PAK3: variants seen among roughly 807,000 people sequenced by gnomAD.
The protein encoded by PAK3 is serine/threonine-protein kinase PAK 3.
PAK3 carries 4 observed loss-of-function variants against 41.0 expected under a neutral mutation model. That is an observed-to-expected ratio of 0.10 (90% CI 0.05 to 0.22). The LOEUF is 0.22. PAK3 is among the 10% of genes least tolerant of loss of function. The probability of loss-of-function intolerance (pLI) is 1.00; values close to 1 mark genes in which losing one functional copy is unlikely to be tolerated. For missense variants in PAK3, 205 were observed against 409.9 expected, an observed-to-expected ratio of 0.50 and a Z score of 4.32; for synonymous variants, 146 against 139.6, an observed-to-expected ratio of 1.05 and a Z score of -0.32.
intron 4 of PAK3, among the ~76,000 whole-genome samples, chrX:111,118,473 T>C (rs1353750086): frequency 9.0e-6 from 1 of 110,978 alleles, no homozygotes; most frequent in Non-Finnish European, 1.9e-5. Context: ...TATATGTATA[T>C]ATATCTCAGA....
intron 1 of PAK3, among the ~76,000 whole-genome samples, chrX:111,029,245 T>C (rs1052267106): frequency 1.8e-5 from 2 of 112,143 alleles, no homozygotes; most frequent in Non-Finnish European, 3.8e-5. Context: ...TACAACATCA[T>C]ACATATTGCA....
At chrX:111,075,430 G>A (rs867112141) in intron 1 of PAK3, among the ~76,000 whole-genome samples, 14 of 112,634 alleles carry the variant, frequency 1.2e-4, no homozygotes, top group Middle Eastern at 4.2e-3. Flanking sequence ...GATACAGCTC[G>A]GACCACTGCT....
intron 1 of PAK3, among the ~76,000 whole-genome samples, chrX:111,014,722 A>G (rs927181151): frequency 1.3e-4 from 15 of 111,558 alleles, no homozygotes; most frequent in Non-Finnish European, 2.6e-4. Flanking sequence ...AATGTCCACT[A>G]CTGTTCTTGG....
At chrX:111,048,007 T>G (rs2092517272) in intron 1 of PAK3, among the ~76,000 whole-genome samples, 1 of 111,873 alleles carries the variant, frequency 8.9e-6, no homozygotes, top group African/African-American at 3.3e-5. Context: ...CTATACTCCT[T>G]GTTTCCACTT....
intron 1 of PAK3, among the ~76,000 whole-genome samples, chrX:111,043,074 G>T (rs1247849465): frequency 9.0e-6 from 1 of 111,004 alleles, no homozygotes; most frequent in African/African-American, 3.3e-5. Context: ...AGAATCACTT[G>T]AGCCCAGGAG....
At chrX:111,123,342 C>T in intron 5 of PAK3, 64 bp downstream of exon 5, 4 of 985,413 alleles carry the variant, frequency 4.1e-6, no homozygotes, top group Non-Finnish European at 5.8e-6. Context: ...CACTTTCTTT[C>T]TTAGGTAGTT....
intron 1 of PAK3, among the ~76,000 whole-genome samples, chrX:111,021,652 A>G (rs1602840786): frequency 9.0e-6 from 1 of 111,304 alleles, no homozygotes; most frequent in Admixed American, 9.6e-5. Context: ...CCAGCTCACC[A>G]GCAATGGATC....
intron 4 of PAK3, among the ~76,000 whole-genome samples, chrX:111,107,204 G>A (rs981953339): frequency 8.9e-6 from 1 of 112,033 alleles, no homozygotes; most frequent in Admixed American, 9.5e-5. Context: ...GGGCAGGCCT[G>A]CTTCCACCAG....
chrX:111,029,487 T>C (rs1433910936), intron 1 of PAK3, among the ~76,000 whole-genome samples: 1 of 112,199 alleles, frequency 8.9e-6, no homozygotes, highest in Non-Finnish European at 1.9e-5. Flanking sequence ...TTATATACTG[T>C]ATTCTCACAA....
At position 111,220,486 on chromosome X, in the gene PAK3, A is replaced by G. The variant is rs2094919874; in HGVS notation, c.*39A>G. The G allele has an allele frequency of 2.3e-6, 2 of 883,549 alleles. No individual in the cohort carries two copies. The highest frequency in any genetic ancestry group is 3.3e-6 in the Non-Finnish European group (2 of 600,048). 72.8% of individuals were successfully genotyped at this position (883,549 alleles called of 1,213,427 possible). ...ACACCTCACCATCTCCCTCATGAGT[A>G]AGACTGAAATAAAACTCTGCTGCAG... On this transcript the variant is annotated 3_prime_UTR_variant, in exon 18 of 18. Transcript: ENST00000372007.
At chrX:111,152,280 T>C (rs2094039336) in intron 7 of PAK3, 130 bp from the exon 8 acceptor site, 1 of 489,140 alleles carries the variant, frequency 2.0e-6, no homozygotes, top group Non-Finnish European at 3.6e-6. Context: ...TAATATCTAG[T>C]TAATACTAAA....
intron 1 of PAK3, among the ~76,000 whole-genome samples, chrX:111,085,886 C>A (rs998210589): frequency 9.8e-5 from 11 of 112,140 alleles, no homozygotes; most frequent in Non-Finnish European, 1.7e-4. Flanking sequence ...AGGAAACGGG[C>A]AGTGACTGTA....
rs761811397 is a variant in PAK3, at chrX:111,167,093, GTTA to G, written c.766+3371_766+3373del. ...GCACAATAAACAGTAATATAAAATT[GTTA>G]TTATGCTATTTTTACAGAGTGAGAG... is the stretch of plus-strand genomic sequence containing the variant. On this transcript the variant is annotated intron_variant, in intron 10 of 17. Transcript: ENST00000372007. Among the ~76,000 whole-genome samples, 478 of 111,724 alleles carry G rather than the reference GTTA, an allele frequency of 4.3e-3. 1 individual carries two copies. Among genetic ancestry groups the G allele is most frequent in the Non-Finnish European group, 7.0e-3 (372 of 53,116 alleles).
chrX:110,972,885 G>C (rs1209254955), intron 1 of PAK3, among the ~76,000 whole-genome samples: 1 of 111,636 alleles, frequency 9.0e-6, no homozygotes. Flanking sequence ...TGATGGAGCT[G>C]AAAATCATGG....
At chrX:111,155,384 C>T (rs1383781191) in intron 8 of PAK3, among the ~76,000 whole-genome samples, 8 of 109,161 alleles carry the variant, frequency 7.3e-5, no homozygotes, top group Non-Finnish European at 5.7e-5. Context: ...ACCTGCAGTC[C>T]CAACTACTTT....
At chrX:111,098,777 AAAAG>A (rs2093060493) in intron 3 of PAK3, 1 of 110,608 alleles carries the variant, frequency 9.0e-6, no homozygotes, top group Non-Finnish European at 1.9e-5. Context: ...TCAAAAAAAA[AAAAG>A]AAAAAAAGCC....
rs755513365 is a variant in PAK3, at chrX:111,118,791, A to G, written c.-27-4286A>G. Among the ~76,000 whole-genome samples, 399 of 112,177 alleles carry G rather than the reference A, an allele frequency of 3.6e-3. 2 individuals carry two copies. Among genetic ancestry groups the G allele is most frequent in the African/African-American group, 0.012 (378 of 30,925 alleles). On this transcript the variant is annotated intron_variant, in intron 4 of 17. Transcript: ENST00000372007. ...TGTCTAAATATGAAAATAAATAGTT[A>G]TGTCTATTTTGAAAGCAGACAGAAT...
At chrX:111,072,831 G>A (rs1182332874) in intron 1 of PAK3, among the ~76,000 whole-genome samples, 2 of 111,946 alleles carry the variant, frequency 1.8e-5, no homozygotes, top group African/African-American at 3.2e-5. Context: ...AGATGTTGCT[G>A]CAGTAAGAAG....
At chrX:111,172,701 C>A (rs184829360) in intron 10 of PAK3, among the ~76,000 whole-genome samples, 1 of 110,854 alleles carries the variant, frequency 9.0e-6, no homozygotes, top group Non-Finnish European at 1.9e-5. Context: ...ATTATGAGAA[C>A]TTTTTATAGA....
Sources: allele counts gnomAD v4.1 joint callset (sites outside exome capture counted in the v4.1 genomes callset), GRCh38; gene constraint gnomAD v4.1.1; transcripts MANE v1.5; gene names NCBI Gene and HGNC (gene_info 2026-07-23, HGNC 2026-07-21).